The following PTPRR variants were observed in gnomAD, a reference collection of about 807,000 sequenced individuals.
PTPRR encodes the protein protein tyrosine phosphatase receptor type R, also known as receptor-type tyrosine-protein phosphatase R.
Under a neutral mutation model 77.2 loss-of-function variants are expected in PTPRR, and 38 were observed. The observed-to-expected ratio is 0.49, with a 90% confidence interval of 0.38 to 0.65. PTPRR has a LOEUF of 0.65. Among genes scored for constraint, PTPRR ranks in the 30% least tolerant of loss-of-function variants. The probability of loss-of-function intolerance (pLI) is 0.00; values close to 1 mark genes in which losing one functional copy is unlikely to be tolerated. For missense variants in PTPRR, 744 were observed against 799.2 expected (o/e 0.93, Z 0.83); for synonymous variants, 299 against 283.1 (o/e 1.06, Z -0.57).
At chr12:70,915,680 C>G (rs1893765125) in intron 1 of PTPRR, among the ~76,000 whole-genome samples, 1 of 152,168 alleles carries the variant, frequency 6.6e-6, no homozygotes, top group East Asian at 1.9e-4. Flanking sequence ...ACAAACCCAT[C>G]CTTTATTGCC....
chr12:70,867,624 T>C (rs1481557422), intron 2 of PTPRR, among the ~76,000 whole-genome samples: 8 of 151,600 alleles, frequency 5.3e-5, no homozygotes, highest in South Asian at 4.2e-4. Flanking sequence ...AGGTAATTTA[T>C]AGATTCAATG....
chr12:70,739,443 A>G (rs1889975852), intron 6 of PTPRR, among the ~76,000 whole-genome samples: 2 of 152,230 alleles, frequency 1.3e-5, no homozygotes, highest in Admixed American at 1.3e-4. Context: ...ATAGTTTATC[A>G]TTAAGCTATT....
At chr12:70,712,123 G>GGA (rs1467467903) in intron 6 of PTPRR, among the ~76,000 whole-genome samples, 1 of 151,902 alleles carries the variant, frequency 6.6e-6, no homozygotes, top group Non-Finnish European at 1.5e-5. Context: ...TTTGGCCAGT[G>GGA]GAGAGTCAAT....
intron 2 of PTPRR, among the ~76,000 whole-genome samples, chr12:70,770,292 T>C (rs1171162573): frequency 6.6e-6 from 1 of 151,482 alleles, no homozygotes; most frequent in Non-Finnish European, 1.5e-5. Context: ...GAATCTACAA[T>C]GAACTCAAAG....
intron 2 of PTPRR, among the ~76,000 whole-genome samples, chr12:70,779,196 G>C (rs976437807): frequency 1.3e-5 from 2 of 149,860 alleles, no homozygotes; most frequent in African/African-American, 4.9e-5. Flanking sequence ...CAGGAGTTCA[G>C]CTTCTGTTTC....
chr12:70,776,042 C>A (rs901507346), intron 2 of PTPRR, among the ~76,000 whole-genome samples: 1 of 152,076 alleles, frequency 6.6e-6, no homozygotes, highest in Non-Finnish European at 1.5e-5. Context: ...CATGGTCTTA[C>A]ACCTGCTTCC....
At chr12:70,920,238 CT>C (rs1355300903) in intron 1 of PTPRR, 94 bp downstream of exon 1, 7 of 1,363,996 alleles carry the variant, frequency 5.1e-6, no homozygotes, top group Non-Finnish European at 7.2e-6. Flanking sequence ...TTTAGAAAGG[CT>C]TTCTTCGCAA....
intron 2 of PTPRR, among the ~76,000 whole-genome samples, chr12:70,807,521 A>G (rs1891732481): frequency 6.6e-6 from 1 of 152,070 alleles, no homozygotes; most frequent in African/African-American, 2.4e-5. Context: ...CATTTTTACC[A>G]CTGGATTCTA....
chr12:70,878,859 C>T (rs1893099588), intron 2 of PTPRR, among the ~76,000 whole-genome samples: 1 of 152,188 alleles, frequency 6.6e-6, no homozygotes, highest in Admixed American at 6.5e-5. Flanking sequence ...CCCAAATGTC[C>T]ATCAATCATA....
intron 2 of PTPRR, among the ~76,000 whole-genome samples, chr12:70,822,250 T>C (rs528264615): frequency 1.3e-5 from 2 of 152,210 alleles, no homozygotes; most frequent in Non-Finnish European, 2.9e-5. Context: ...GAATTATCAA[T>C]TGGAATCCAT....
At chr12:70,809,325 A>G (rs1217946327) in intron 2 of PTPRR, among the ~76,000 whole-genome samples, 17 of 152,174 alleles carry the variant, frequency 1.1e-4, no homozygotes, top group Admixed American at 1.0e-3. Context: ...GGGATGGGAC[A>G]TTGTTGAACT....
At chr12:70,682,289 C>A (rs951046874) in intron 10 of PTPRR, among the ~76,000 whole-genome samples, 1 of 151,498 alleles carries the variant, frequency 6.6e-6, no homozygotes, top group African/African-American at 2.4e-5. Flanking sequence ...GTGATCCGCC[C>A]GCCTCGGCCT....
chr12:70,638,808 T>C lies in PTPRR; in HGVS notation c.*376A>G. 1 of 168,428 alleles carries C rather than the reference T, an allele frequency of 5.9e-6. No individual in the cohort carries two copies. The highest frequency in any genetic ancestry group is 1.3e-5 in the Non-Finnish European group (1 of 78,808). 10.4% of individuals were successfully genotyped at this position (168,428 alleles called of 1,614,324 possible). A position where few individuals can be genotyped will look rare whatever the true frequency, so the allele number is the denominator to read the frequency against. On this transcript the variant is annotated 3_prime_UTR_variant, in exon 14 of 14. Coordinates refer to ENST00000283228, the MANE Select transcript of PTPRR (RefSeq NM_002849.4). Reference sequence around the variant, plus strand: ...TGCAAACATTAAAGCATCTAACACATAATACGAATGTCTTCAGCAGCTCAT... The same window carrying C: ...TGCAAACATTAAAGCATCTAACACACAATACGAATGTCTTCAGCAGCTCAT...
chr12:70,766,441 A>G (rs926976184), intron 2 of PTPRR, among the ~76,000 whole-genome samples: 3 of 152,190 alleles, frequency 2.0e-5, no homozygotes, highest in Non-Finnish European at 4.4e-5. Context: ...GAATGAAATT[A>G]AGCGAGAAGG....
chr12:70,665,979 A>G (rs1020121919), intron 10 of PTPRR, among the ~76,000 whole-genome samples: 1 of 152,182 alleles, frequency 6.6e-6, no homozygotes, highest in Non-Finnish European at 1.5e-5. Flanking sequence ...CAGGTTGTCT[A>G]AAATTATTAT....
chr12:70,648,074 C>T (rs958390485), intron 13 of PTPRR, among the ~76,000 whole-genome samples: 14 of 152,074 alleles, frequency 9.2e-5, no homozygotes, highest in African/African-American at 3.1e-4. Context: ...CCCCAAAATC[C>T]AGAATTTAGT....
At chr12:70,702,366 G>A (rs1386951731) in intron 6 of PTPRR, among the ~76,000 whole-genome samples, 2 of 152,070 alleles carry the variant, frequency 1.3e-5, no homozygotes, top group Admixed American at 6.6e-5. Flanking sequence ...CCGTAGGTGT[G>A]TGTCAGATCA....
At chr12:70,799,311 C>T (rs536895472) in intron 2 of PTPRR, among the ~76,000 whole-genome samples, 9 of 152,134 alleles carry the variant, frequency 5.9e-5, no homozygotes, top group Non-Finnish European at 1.3e-4. Flanking sequence ...CTAGACATAC[C>T]TCAATGTATT....
At position 70,846,636 on chromosome 12, in the gene PTPRR, A is replaced by G. The variant is rs944530711; in HGVS notation, c.357+46043T>C. On this transcript the variant is annotated intron_variant, in intron 2 of 13. Transcript: ENST00000283228. Reference sequence around the variant, plus strand: ...CATGAATGGGACTAGTCCCCTTAAAAAAGAGGCCAGGAGAGAAGGGGCTTG... The same window carrying G: ...CATGAATGGGACTAGTCCCCTTAAAGAAGAGGCCAGGAGAGAAGGGGCTTG... Among the ~76,000 whole-genome samples the G allele has an allele frequency of 1.9e-4, 29 of 152,028 alleles. 1 individual carries two copies. The highest frequency in any genetic ancestry group is 1.7e-3 in the Admixed American group (26 of 15,268).
Sources: gnomAD v4.1 joint callset for allele counts (sites outside exome capture counted in the v4.1 genomes callset) on GRCh38, gnomAD v4.1.1 for gene constraint, MANE v1.5 for transcripts, NCBI Gene and HGNC (gene_info 2026-07-23, HGNC 2026-07-21) for gene names.